Variants in UNC13B observed in about 807,000 individuals in gnomAD.
The protein encoded by UNC13B is unc-13 homolog B, also known as protein unc-13 homolog B.
UNC13B carries 144 observed loss-of-function variants against 211.0 expected under a neutral mutation model. That is an observed-to-expected ratio of 0.68 (90% CI 0.60 to 0.78). UNC13B has a LOEUF of 0.78. UNC13B is among the 30% of genes least tolerant of loss of function. UNC13B has a pLI of 0.00. For missense variants in UNC13B, 1,777 were observed against 2,002.0 expected (o/e 0.89, Z 2.14); for synonymous variants, 709 against 725.8 (o/e 0.98, Z 0.37).
At chr9:35,311,634 TA>T (rs1369271163) in intron 10 of UNC13B, among the ~76,000 whole-genome samples, 1 of 152,178 alleles carries the variant, frequency 6.6e-6, no homozygotes, top group East Asian at 1.9e-4. Flanking sequence ...ACCAGGCAAT[TA>T]GGAGGAACTT....
Position 35,219,977 on chromosome 9 carries a change from G to A in UNC13B, c.23-8038G>A, listed in dbSNP as rs1162598806. Among the ~76,000 whole-genome samples the A allele has an allele frequency of 2.0e-5, 3 of 152,112 alleles. No individual in the cohort carries two copies. In the East Asian group the frequency reaches 5.8e-4, roughly 29 times the overall value. On this transcript the variant is annotated intron_variant, in intron 1 of 39. Coordinates refer to ENST00000635942, the MANE Select transcript of UNC13B (RefSeq NM_001371189.2). ...TAAAGCTTTAGTGTCACATTTAGAT[G>A]TTTAATCCATTTATAATTCATAATT... is the stretch of plus-strand genomic sequence containing the variant.
At chr9:35,392,044 G>A (rs1323799314) in intron 26 of UNC13B, among the ~76,000 whole-genome samples, 2 of 152,104 alleles carry the variant, frequency 1.3e-5, no homozygotes, top group East Asian at 1.9e-4. Flanking sequence ...CAATTTCACC[G>A]CCTATGTAGC....
chr9:35,175,060 A>G (rs1204649333), intron 1 of UNC13B, among the ~76,000 whole-genome samples: 1 of 152,240 alleles, frequency 6.6e-6, no homozygotes, highest in African/African-American at 2.4e-5. Context: ...CAGCCTCCCA[A>G]AGTGCTGGGA....
intron 11 of UNC13B, among the ~76,000 whole-genome samples, chr9:35,330,730 A>T (rs1429565035): frequency 6.6e-6 from 1 of 152,224 alleles, no homozygotes; most frequent in East Asian, 1.9e-4. Flanking sequence ...ATGTTCATCA[A>T]TGGTGGATCT....
At chr9:35,352,124 A>G in intron 11 of UNC13B, 2 of 1,232,272 alleles carry the variant, frequency 1.6e-6, no homozygotes, top group Non-Finnish European at 2.0e-6. Context: ...TTCCCTGGCC[A>G]AGGTGTGTGA....
At chr9:35,349,951 G>A (rs1250475360) in intron 11 of UNC13B, among the ~76,000 whole-genome samples, 2 of 152,178 alleles carry the variant, frequency 1.3e-5, no homozygotes, top group Admixed American at 1.3e-4. Context: ...AAAATAAAAG[G>A]AGGCAGAGTT....
At chr9:35,248,168 G>C (rs1826218228) in intron 6 of UNC13B, among the ~76,000 whole-genome samples, 1 of 152,114 alleles carries the variant, frequency 6.6e-6, no homozygotes, top group African/African-American at 2.4e-5. Context: ...TTCTCTGATG[G>C]TAGTTTGTAT....
At chr9:35,380,746 T>G in intron 18 of UNC13B, 107 bp downstream of exon 18, 1 of 1,428,174 alleles carries the variant, frequency 7.0e-7, no homozygotes, top group Non-Finnish European at 9.7e-7. Flanking sequence ...CATACCTCTA[T>G]ACAGAGCCTG....
chr9:35,270,866 C>T (rs1486152632), intron 7 of UNC13B, among the ~76,000 whole-genome samples: 2 of 152,072 alleles, frequency 1.3e-5, no homozygotes, highest in African/African-American at 2.4e-5. Context: ...TTCGGCCAGG[C>T]ACGGTGGCTC....
chr9:35,191,702 C>T (rs1278614087), intron 1 of UNC13B, among the ~76,000 whole-genome samples: 6 of 152,212 alleles, frequency 3.9e-5, no homozygotes, highest in Non-Finnish European at 7.3e-5. Flanking sequence ...ACTAACTTAG[C>T]ACAAGACACC....
In UNC13B at chr9:35,310,456, C is replaced by A; in HGVS notation, c.9009-11C>A. ...TTTATTTACTTATCTGTCTTTCTGT[C>A]ATTCTCACAGCCCCACCAGCAGCAG... is the stretch of plus-strand genomic sequence containing the variant. On this transcript the variant is annotated splice_polypyrimidine_tract_variant and intron_variant, in intron 9 of 39. Transcript: ENST00000635942. 1 of 1,610,730 alleles carries A rather than the reference C, an allele frequency of 6.2e-7. No homozygotes were observed. The highest frequency in any genetic ancestry group is 1.1e-5 in the South Asian group (1 of 90,986).
At chr9:35,390,746 GGCTCCTAGCCCAA>G in intron 26 of UNC13B, 32 bp downstream of exon 26, 1 of 1,597,220 alleles carries the variant, frequency 6.3e-7, no homozygotes, top group South Asian at 1.1e-5. Flanking sequence ...TGGGCTGCCA[GGCTCCTAGCCCAA>G]GCTCCTCGTT....
intron 6 of UNC13B, among the ~76,000 whole-genome samples, chr9:35,244,726 A>C (rs1265982063): frequency 6.6e-6 from 1 of 152,162 alleles, no homozygotes; most frequent in Non-Finnish European, 1.5e-5. Flanking sequence ...TGTAAGAACA[A>C]CAGTCATTGA....
intron 7 of UNC13B, among the ~76,000 whole-genome samples, chr9:35,275,301 GAA>G (rs971906562): frequency 6.6e-6 from 1 of 152,136 alleles, no homozygotes; most frequent in Non-Finnish European, 1.5e-5. Flanking sequence ...TTGCCATTCA[GAA>G]ATATGTGCTT....
At chr9:35,261,618 A>T (rs1260493485) in intron 7 of UNC13B, among the ~76,000 whole-genome samples, 3 of 152,172 alleles carry the variant, frequency 2.0e-5, no homozygotes, top group Non-Finnish European at 4.4e-5. Context: ...TTGTGTTACA[A>T]ATATTCCAGT....
In UNC13B at chr9:35,396,534, G is replaced by C. The variant is rs143647107; in HGVS notation, c.11367G>C (p.Val3789=). The change falls in exon 27 of 40, where the codon GTG becomes GTC. Residue 3789 remains valine, a synonymous_variant. Transcript: ENST00000635942. ...SADYMNLHFK[V]KWLHNEYVRD... ...ACTACATGAACCTGCACTTCAAGGT[G>C]AAGTGGCTCCACAATGAATACGTGC... 930 of 1,614,124 alleles carry C rather than the reference G, an allele frequency of 5.8e-4. 1 individual carries two copies. The highest frequency in any genetic ancestry group is 7.4e-4 in the Non-Finnish European group (875 of 1,180,026).
At chr9:35,344,031 C>A (rs1445440092) in intron 11 of UNC13B, among the ~76,000 whole-genome samples, 1 of 151,994 alleles carries the variant, frequency 6.6e-6, no homozygotes, top group African/African-American at 2.4e-5. Context: ...ACATGTGGTT[C>A]ACATTATATT....
intron 11 of UNC13B, among the ~76,000 whole-genome samples, chr9:35,347,699 T>C (rs569664583): frequency 3.0e-4 from 45 of 152,334 alleles, no homozygotes; most frequent in African/African-American, 8.9e-4. Context: ...GTTTGTTTAA[T>C]ATGGAAGGAA....
At chr9:35,169,240 A>G (rs1352759593) in intron 1 of UNC13B, among the ~76,000 whole-genome samples, 2 of 152,192 alleles carry the variant, frequency 1.3e-5, no homozygotes, top group African/African-American at 4.8e-5. Context: ...CGGTAGTCTC[A>G]GCTACTTGGG....
Sources: gnomAD v4.1 joint callset for allele counts (sites outside exome capture counted in the v4.1 genomes callset) on GRCh38, gnomAD v4.1.1 for gene constraint, MANE v1.5 for transcripts, NCBI Gene and HGNC (gene_info 2026-07-23, HGNC 2026-07-21) for gene names.